HMGA2: variants seen among roughly 807,000 people sequenced by gnomAD.
The protein encoded by HMGA2 is high mobility group protein HMGI-C.
In HMGA2, 8 loss-of-function variants were observed where a neutral mutation model predicts 19.1. The ratio of observed to expected loss-of-function variants is 0.42; its 90% CI spans 0.25 to 0.76. The LOEUF is 0.76. Among genes scored for constraint, HMGA2 ranks in the 30% least tolerant of loss-of-function variants. HMGA2 has a pLI of 0.28. For missense variants in HMGA2, 109 were observed against 136.3 expected, an observed-to-expected ratio of 0.80 and a Z score of 1.00; for synonymous variants, 60 against 48.8, an observed-to-expected ratio of 1.23 and a Z score of -0.96.
intron 3 of HMGA2, among the ~76,000 whole-genome samples, chr12:65,904,999 G>A (rs542092507): frequency 3.8e-4 from 58 of 151,542 alleles, no homozygotes; most frequent in Middle Eastern, 6.8e-3. Context: ...TCAAGATCGC[G>A]CCACTGCACT....
rs1870005571 is a variant in HMGA2 at position 65,824,498 on chromosome 12, C to G, written c.-773C>G. ...GCAGGAACTCAGAAAACTTCCAGCC[C>G]GGGCAGCGCGCGCTTGGTGCAAGAC... is the stretch of plus-strand genomic sequence containing the variant. On this transcript the variant is annotated 5_prime_UTR_variant, in exon 1 of 5. Transcript: ENST00000403681. 1.7e-5 allele frequency: 4 copies of G among 233,234 alleles called. No homozygotes were observed. In the East Asian group the frequency reaches 2.4e-4, roughly 14 times the overall value. The allele number at this position is 233,234 out of a possible 1,614,324, so 14.4% of individuals were successfully genotyped here.
At chr12:65,911,425 T>C (rs539749948) in intron 3 of HMGA2, among the ~76,000 whole-genome samples, 1 of 152,294 alleles carries the variant, frequency 6.6e-6, no homozygotes, top group Admixed American at 6.5e-5. Context: ...CAGTCTTCCC[T>C]GGAAACAGGT....
intron 3 of HMGA2, chr12:65,915,131 A>T: frequency 6.2e-7 from 1 of 1,613,608 alleles, no homozygotes; most frequent in Non-Finnish European, 8.5e-7. Flanking sequence ...GAGTCACTGA[A>T]TTGTCATTGG....
intron 3 of HMGA2, chr12:65,867,069 G>T: frequency 2.5e-6 from 1 of 399,154 alleles, no homozygotes; most frequent in South Asian, 1.9e-5. Flanking sequence ...TGTGAGGAAA[G>T]AAATGGCAAG....
Position 65,964,368 on chromosome 12 carries a change from A to G in HMGA2, c.*1076A>G. The G allele has an allele frequency of 4.5e-6, 1 of 224,140 alleles. No homozygotes were observed. Among genetic ancestry groups the G allele is most frequent in the Non-Finnish European group, 8.9e-6 (1 of 112,748 alleles). The allele number at this position is 224,140 out of a possible 1,614,324, so 13.9% of individuals were successfully genotyped here. On this transcript the variant is annotated 3_prime_UTR_variant, in exon 5 of 5. Coordinates refer to ENST00000403681, the MANE Select transcript of HMGA2 (RefSeq NM_003483.6). ...CTCTCCCTCTCTCTTTTCATTGTGTATCAGTTTCCATGAAAGACCTGAATA... is the reference window on the plus strand; with the variant it reads ...CTCTCCCTCTCTCTTTTCATTGTGTGTCAGTTTCCATGAAAGACCTGAATA...
chr12:65,898,011 C>T (rs1874207881), intron 3 of HMGA2, among the ~76,000 whole-genome samples: 1 of 151,894 alleles, frequency 6.6e-6, no homozygotes, highest in African/African-American at 2.4e-5. Context: ...GAAGGGATAG[C>T]ACAGTGCCCT....
intron 4 of HMGA2, chr12:65,953,922 A>C (rs1261787716): frequency 6.6e-6 from 1 of 152,214 alleles, no homozygotes; most frequent in Admixed American, 6.5e-5. Context: ...AATCTGGATT[A>C]ACTCAGCCTC....
intron 3 of HMGA2, among the ~76,000 whole-genome samples, chr12:65,893,460 AT>A (rs1346102159): frequency 1.3e-5 from 2 of 152,160 alleles, no homozygotes; most frequent in Admixed American, 6.5e-5. Flanking sequence ...AAATGTGGAA[AT>A]TTTTTAAGGT....
intron 3 of HMGA2, among the ~76,000 whole-genome samples, chr12:65,939,356 CT>C (rs372114758): frequency 9.6e-4 from 141 of 146,938 alleles, no homozygotes; most frequent in Middle Eastern, 3.6e-3. Context: ...CACATACAAG[CT>C]TTTTTTTTTT....
chr12:65,960,228 C>A (rs894363252), intron 4 of HMGA2, among the ~76,000 whole-genome samples: 4 of 152,156 alleles, frequency 2.6e-5, no homozygotes, highest in Non-Finnish European at 4.4e-5. Context: ...GATCGAAGCT[C>A]AGGGGTCCCT....
intron 3 of HMGA2, among the ~76,000 whole-genome samples, chr12:65,884,993 A>G (rs945492972): frequency 4.6e-5 from 7 of 152,192 alleles, no homozygotes; most frequent in Non-Finnish European, 7.4e-5. Flanking sequence ...TTGATATTCT[A>G]TAATATAATT....
chr12:65,838,587 A>T lies in HMGA2; in HGVS notation c.249+18A>T, dbSNP rs759832017. On this transcript the variant is annotated intron_variant, in intron 3 of 4. Coordinates refer to ENST00000403681, the MANE Select transcript of HMGA2 (RefSeq NM_003483.6). ...GGAAATGGGTGAGTAATAAGATATA[A>T]TTTTTCTTCTTTTTTTTAAAGAAAA... 17 of 1,580,226 alleles carry T rather than the reference A, an allele frequency of 1.1e-5. No homozygotes were observed. Among genetic ancestry groups the T allele is most frequent in the Non-Finnish European group, 1.5e-5 (17 of 1,154,690 alleles).
intron 4 of HMGA2, among the ~76,000 whole-genome samples, chr12:65,962,130 T>C (rs1229086417): frequency 1.3e-5 from 2 of 152,214 alleles, no homozygotes; most frequent in East Asian, 3.8e-4. Flanking sequence ...AGTAAATGTT[T>C]ACCTCTTCCC....
intron 4 of HMGA2, chr12:65,953,851 A>T (rs1167048169): frequency 6.6e-6 from 1 of 152,236 alleles, no homozygotes; most frequent in African/African-American, 2.4e-5. Context: ...ATTCAAAAGA[A>T]TCTCTTCCTT....
rs529169380 is a variant in HMGA2 at position 65,884,952 on chromosome 12, C to T, written c.249+46383C>T. ...ATATGTGTTAATTAATTGTATTAAT[C>T]ACTTGTGACTTCCAATTGATTCTAT... On this transcript the variant is annotated intron_variant, in intron 3 of 4. Transcript: ENST00000403681. Among the ~76,000 whole-genome samples, 74 of 152,310 alleles carry T rather than the reference C, an allele frequency of 4.9e-4. No homozygotes were observed. In the South Asian group the frequency reaches 5.8e-3, roughly 12 times the overall value.
At chr12:65,897,301 G>C (rs924364293) in intron 3 of HMGA2, among the ~76,000 whole-genome samples, 1 of 152,030 alleles carries the variant, frequency 6.6e-6, no homozygotes, top group Non-Finnish European at 1.5e-5. Context: ...TCACCCTGTG[G>C]CATAACACTG....
At chr12:65,837,085 G>A (rs1870764945) in intron 2 of HMGA2, among the ~76,000 whole-genome samples, 1 of 152,124 alleles carries the variant, frequency 6.6e-6, no homozygotes, top group South Asian at 2.1e-4. Flanking sequence ...TACAAAATAA[G>A]AGGAATAATA....
At chr12:65,880,233 A>C (rs1385456849) in intron 3 of HMGA2, among the ~76,000 whole-genome samples, 1 of 152,218 alleles carries the variant, frequency 6.6e-6, no homozygotes, top group Non-Finnish European at 1.5e-5. Flanking sequence ...TTCAGGTCAA[A>C]GCAAATAAAT....
Position 65,913,006 on chromosome 12 carries a change from T to TA in HMGA2, c.250-38371dup, listed in dbSNP as rs200250118. Among the ~76,000 whole-genome samples the TA allele has an allele frequency of 6.9e-3, 1,051 of 152,340 alleles. 12 individuals carry two copies. The highest frequency in any genetic ancestry group is 0.024 in the African/African-American group (997 of 41,574). On this transcript the variant is annotated intron_variant, in intron 3 of 4. Transcript: ENST00000403681. Reference sequence around the variant, plus strand: ...CCACTCTTAAATTCTTCCATTCAGATAAAAAATCTCTATTGTTTGAAAACA... The same window carrying TA: ...CCACTCTTAAATTCTTCCATTCAGATAAAAAAATCTCTATTGTTTGAAAACA...
Sources: gnomAD v4.1 joint callset for allele counts (sites outside exome capture counted in the v4.1 genomes callset) on GRCh38, gnomAD v4.1.1 for gene constraint, MANE v1.5 for transcripts, NCBI Gene and HGNC (gene_info 2026-07-23, HGNC 2026-07-21) for gene names.